ZDHHC15: variants seen among roughly 807,000 people sequenced by gnomAD.
ZDHHC15 encodes zDHHC palmitoyltransferase 15.
A neutral mutation model predicts 31.7 loss-of-function variants in ZDHHC15; 19 were observed. The observed-to-expected ratio is 0.60, with a 90% CI of 0.42 to 0.88. ZDHHC15 has a LOEUF of 0.88. Among genes scored for constraint, ZDHHC15 ranks in the 40% least tolerant of loss-of-function variants. The probability of loss-of-function intolerance (pLI) is 0.00; values close to 1 mark genes in which losing one functional copy is unlikely to be tolerated. For missense variants in ZDHHC15, 209 were observed against 251.2 expected (o/e 0.83, Z 1.14); for synonymous variants, 103 against 90.0 (o/e 1.14, Z -0.82).
At chrX:75,439,803 A>G (rs2083913184) in intron 4 of ZDHHC15, among the ~76,000 whole-genome samples, 1 of 111,498 alleles carries the variant, frequency 9.0e-6, no homozygotes, top group Admixed American at 9.6e-5. Flanking sequence ...ACTATGTCAG[A>G]GGAACGTTCT....
chrX:75,473,962 C>T (rs1170132036), intron 3 of ZDHHC15, among the ~76,000 whole-genome samples: 1 of 111,329 alleles, frequency 9.0e-6, no homozygotes, highest in Admixed American at 9.6e-5. Flanking sequence ...TCATGTCAGG[C>T]ATAATTATGA....
intron 3 of ZDHHC15, among the ~76,000 whole-genome samples, chrX:75,459,935 G>T (rs996308335): frequency 2.7e-5 from 3 of 112,113 alleles, no homozygotes; most frequent in African/African-American, 6.5e-5. Flanking sequence ...GAGTGCAATG[G>T]CACAATCTCA....
intron 1 of ZDHHC15, among the ~76,000 whole-genome samples, chrX:75,519,752 T>A (rs1219691014): frequency 8.9e-6 from 1 of 112,136 alleles, no homozygotes; most frequent in Non-Finnish European, 1.9e-5. Context: ...TCTTCACTAT[T>A]ACTAAATGTG....
At chrX:75,398,722 T>C (rs998215310) in intron 10 of ZDHHC15, among the ~76,000 whole-genome samples, 6 of 110,554 alleles carry the variant, frequency 5.4e-5, no homozygotes, top group Non-Finnish European at 9.5e-5. Context: ...GAACTCCCCC[T>C]GGGACAGCAC....
chrX:75,499,039 C>T (rs1221774841), intron 2 of ZDHHC15, among the ~76,000 whole-genome samples: 1 of 111,476 alleles, frequency 9.0e-6, no homozygotes, highest in African/African-American at 3.3e-5. Context: ...GGGGAAAGGA[C>T]ACCCGATTCA....
chrX:75,517,389 A>G (rs1602778338), intron 1 of ZDHHC15, among the ~76,000 whole-genome samples: 1 of 110,505 alleles, frequency 9.0e-6, no homozygotes, highest in East Asian at 2.9e-4. Context: ...CATATACACC[A>G]TGGAATACTA....
intron 2 of ZDHHC15, among the ~76,000 whole-genome samples, chrX:75,482,020 A>C (rs767581336): frequency 2.7e-5 from 3 of 111,999 alleles, no homozygotes; most frequent in Non-Finnish European, 3.8e-5. Flanking sequence ...TGAAGGAATG[A>C]AGATAATGGT....
intron 1 of ZDHHC15, among the ~76,000 whole-genome samples, chrX:75,514,367 C>T (rs751473898): frequency 2.7e-5 from 3 of 112,265 alleles, no homozygotes; most frequent in Non-Finnish European, 3.8e-5. Flanking sequence ...GGCAACAGAG[C>T]TGTAAACGGC....
At chrX:75,514,821 C>A (rs921529812) in intron 1 of ZDHHC15, among the ~76,000 whole-genome samples, 8 of 111,383 alleles carry the variant, frequency 7.2e-5, no homozygotes, top group Admixed American at 6.7e-4. Flanking sequence ...AATTGTGAGG[C>A]AGCAGCAAGA....
At chrX:75,390,703 C>A (rs1198569169) in intron 10 of ZDHHC15, among the ~76,000 whole-genome samples, 1 of 111,320 alleles carries the variant, frequency 9.0e-6, no homozygotes, top group Non-Finnish European at 1.9e-5. Flanking sequence ...TAGATCACAA[C>A]ACCCAAATCC....
At chrX:75,477,309 A>C (rs55765400) in intron 3 of ZDHHC15, among the ~76,000 whole-genome samples, 22,004 of 110,631 alleles carry the variant, frequency 0.2, 2,193 homozygotes, top group East Asian at 0.85. Context: ...TTCTGCGTAC[A>C]CTTAGGAAGA....
At chrX:75,449,904 GTCATGC>G (rs775822075) in intron 4 of ZDHHC15, among the ~76,000 whole-genome samples, 18 of 111,853 alleles carry the variant, frequency 1.6e-4, no homozygotes, top group Non-Finnish European at 2.8e-4. Flanking sequence ...TACTGTTTTA[GTCATGC>G]AGATGAAACC....
In ZDHHC15 at chrX:75,455,412, AC is replaced by A. The variant is rs1207358818; in HGVS notation, c.259-4491del. ...AAATGTTAGACCTAAAACCATAAAA[AC>A]CCTAGAAGAAAACCTAGGCAATACC... On this transcript the variant is annotated intron_variant, in intron 3 of 11. Coordinates refer to ENST00000373367, the MANE Select transcript of ZDHHC15 (RefSeq NM_144969.3). Among the ~76,000 whole-genome samples the A allele has an allele frequency of 5.4e-5, 6 of 111,981 alleles. No homozygotes were observed. In the East Asian group the frequency reaches 1.7e-3, roughly 31 times the overall value.
intron 3 of ZDHHC15, among the ~76,000 whole-genome samples, chrX:75,459,575 C>T (rs767325272): frequency 1.8e-5 from 2 of 111,337 alleles, no homozygotes; most frequent in South Asian, 7.7e-4. Context: ...ATAAGCAGGA[C>T]CCCAATCCAT....
Position 75,505,282 on chromosome X carries a change from C to T in ZDHHC15, c.163+539G>A, listed in dbSNP as rs746518659. Among the ~76,000 whole-genome samples the T allele has an allele frequency of 3.6e-5, 4 of 111,684 alleles. No individual in the cohort carries two copies. In the East Asian group the frequency reaches 1.1e-3, roughly 31 times the overall value. ...TTATTACTGATAAAATAATGTAAAGCTAAAGGTTTATTAAGACTAATGATT... is the reference window on the plus strand; with the variant it reads ...TTATTACTGATAAAATAATGTAAAGTTAAAGGTTTATTAAGACTAATGATT... On this transcript the variant is annotated intron_variant, in intron 2 of 11. Transcript: ENST00000373367.
intron 3 of ZDHHC15, among the ~76,000 whole-genome samples, 165 bp from the exon 4 acceptor site, chrX:75,451,087 C>T (rs1383247712): frequency 8.9e-6 from 1 of 111,916 alleles, no homozygotes; most frequent in African/African-American, 3.2e-5. Flanking sequence ...AATAATCTGG[C>T]TTTTATCTCA....
At chrX:75,388,173 A>T (rs1228980971) in intron 10 of ZDHHC15, among the ~76,000 whole-genome samples, 1 of 112,391 alleles carries the variant, frequency 8.9e-6, no homozygotes, top group African/African-American at 3.2e-5. Flanking sequence ...CACCAGACCA[A>T]TCTTACAAGA....
chrX:75,449,474 T>G (rs2084085059), intron 4 of ZDHHC15, among the ~76,000 whole-genome samples: 1 of 111,594 alleles, frequency 9.0e-6, no homozygotes, highest in Non-Finnish European at 1.9e-5. Context: ...TGTGTCATTT[T>G]TGTTTCACCT....
intron 6 of ZDHHC15, 37 bp from the exon 7 acceptor site, chrX:75,429,235 T>A: frequency 3.4e-6 from 4 of 1,182,895 alleles, no homozygotes; most frequent in Non-Finnish European, 4.5e-6. Flanking sequence ...CATCAGGACC[T>A]CTTGATTGAG....
Sources: allele counts gnomAD v4.1 joint callset (sites outside exome capture counted in the v4.1 genomes callset), GRCh38; gene constraint gnomAD v4.1.1; transcripts MANE v1.5; gene names NCBI Gene and HGNC (gene_info 2026-07-23, HGNC 2026-07-21).